ANKS1B: variants seen among roughly 807,000 people sequenced by gnomAD.
The protein encoded by ANKS1B is ankyrin repeat and sterile alpha motif domain-containing protein 1B.
A neutral mutation model predicts 148.3 loss-of-function variants in ANKS1B; 36 were observed. That is an observed-to-expected ratio of 0.24 (90% confidence interval 0.19 to 0.32). ANKS1B has a LOEUF of 0.32. Among genes scored for constraint, ANKS1B ranks in the 10% least tolerant of loss-of-function variants. The pLI is 1.00. For synonymous variants in ANKS1B, 542 were observed against 560.8 expected (o/e 0.97, Z 0.47); for missense variants, 1,157 against 1,542.6 (o/e 0.75, Z 4.19).
intron 15 of ANKS1B, among the ~76,000 whole-genome samples, chr12:99,142,935 T>C (rs2071487940): frequency 6.6e-6 from 1 of 152,146 alleles, no homozygotes; most frequent in Non-Finnish European, 1.5e-5. Context: ...GCCATATTGT[T>C]ATACAGGCCT....
At chr12:98,884,226 A>T (rs1168602927) in intron 17 of ANKS1B, among the ~76,000 whole-genome samples, 1 of 152,198 alleles carries the variant, frequency 6.6e-6, no homozygotes. Flanking sequence ...AAACTTTCCC[A>T]TCTTTAAATA....
chr12:98,740,038 G>A (rs755138988), downstream of ANKS1B, among the ~76,000 whole-genome samples: 17 of 152,070 alleles, frequency 1.1e-4, no homozygotes, highest in African/African-American at 1.2e-4. Flanking sequence ...CTCTTTGGGC[G>A]ACGCATACAC....
intron 1 of ANKS1B, among the ~76,000 whole-genome samples, chr12:99,917,224 A>T (rs11614197): frequency 0.12 from 18,173 of 152,288 alleles, 1,445 homozygotes; most frequent in Middle Eastern, 0.18. Context: ...AGAAGGAGGC[A>T]TGTGGATGAC....
chr12:98,845,155 T>A (rs949192324), intron 17 of ANKS1B, among the ~76,000 whole-genome samples: 1 of 152,198 alleles, frequency 6.6e-6, no homozygotes, highest in Non-Finnish European at 1.5e-5. Context: ...TTTTACCAAA[T>A]AAATAATCTC....
At chr12:99,550,170 A>C (rs2097205225) in intron 9 of ANKS1B, among the ~76,000 whole-genome samples, 1 of 152,240 alleles carries the variant, frequency 6.6e-6, no homozygotes, top group Admixed American at 6.5e-5. Context: ...CTCTATCTTG[A>C]GTTTCCAGTG....
chr12:99,580,428 A>G (rs2097559364), intron 9 of ANKS1B, among the ~76,000 whole-genome samples: 1 of 152,220 alleles, frequency 6.6e-6, no homozygotes, highest in South Asian at 2.1e-4. Flanking sequence ...TTAGGGATAA[A>G]TATAATGACA....
intron 12 of ANKS1B, among the ~76,000 whole-genome samples, chr12:99,393,096 TGATA>T (rs143927175): frequency 0.015 from 2,213 of 150,656 alleles, 31 homozygotes; most frequent in Middle Eastern, 0.038. Context: ...GATAGACAGA[TGATA>T]GATAGATAGA....
At chr12:99,369,890 A>G (rs995231712) in intron 12 of ANKS1B, among the ~76,000 whole-genome samples, 1 of 151,836 alleles carries the variant, frequency 6.6e-6, no homozygotes, top group African/African-American at 2.4e-5. Flanking sequence ...ATAGATAGAT[A>G]GATAAAATAT....
At chr12:99,573,780 GTA>G (rs1322173280) in intron 9 of ANKS1B, among the ~76,000 whole-genome samples, 1 of 151,946 alleles carries the variant, frequency 6.6e-6, no homozygotes, top group Non-Finnish European at 1.5e-5. Flanking sequence ...GTATCAGGAT[GTA>G]TATACTCTCA....
intron 17 of ANKS1B, among the ~76,000 whole-genome samples, chr12:98,857,269 G>C (rs1056449898): frequency 2.0e-5 from 3 of 152,226 alleles, no homozygotes; most frequent in Admixed American, 1.3e-4. Flanking sequence ...AGATGTAAAA[G>C]CATTCTAGGC....
chr12:99,257,217 C>T (rs1331675358), intron 12 of ANKS1B, among the ~76,000 whole-genome samples: 6 of 151,716 alleles, frequency 4.0e-5, no homozygotes, highest in African/African-American at 1.5e-4. Context: ...GCACTCCAGC[C>T]GGGGCAACAC....
rs1348017026 is a variant in ANKS1B, at chr12:98,926,507, A to T, written c.2779-94371T>A. On this transcript the variant is annotated intron_variant, in intron 17 of 26. Coordinates refer to ENST00000683438, the MANE Select transcript of ANKS1B (RefSeq NM_001352186.2). The stretch of plus-strand genomic sequence containing the variant: ...TTAGGAGACATGTAAATAAAAAGCA[A>T]AGTATGGCCCATACACAGGAAAAAA... Among the ~76,000 whole-genome samples the T allele has an allele frequency of 3.3e-5, 5 of 152,248 alleles. No individual in the cohort carries two copies. In the East Asian group the frequency reaches 9.7e-4, roughly 29 times the overall value.
intron 9 of ANKS1B, among the ~76,000 whole-genome samples, chr12:99,548,457 T>C (rs1405235299): frequency 3.3e-5 from 5 of 152,172 alleles, no homozygotes; most frequent in Non-Finnish European, 5.9e-5. Flanking sequence ...GGACTATGAA[T>C]GTTTTTTTAA....
intron 12 of ANKS1B, among the ~76,000 whole-genome samples, chr12:99,345,779 T>TA (rs910298457): frequency 1.3e-5 from 2 of 151,950 alleles, no homozygotes; most frequent in Non-Finnish European, 2.9e-5. Flanking sequence ...CAGACCTTTT[T>TA]AAAAAAACAG....
chr12:99,549,018 G>C (rs2097195308), intron 9 of ANKS1B, among the ~76,000 whole-genome samples: 1 of 152,134 alleles, frequency 6.6e-6, no homozygotes, highest in African/African-American at 2.4e-5. Flanking sequence ...ATACTAGTGG[G>C]GAACTGGAGG....
chr12:98,749,061 G>C (rs567562717), intron 26 of ANKS1B, among the ~76,000 whole-genome samples: 1 of 152,044 alleles, frequency 6.6e-6, no homozygotes, highest in Non-Finnish European at 1.5e-5. Context: ...GCCTGGTTCC[G>C]GTGGTGACAA....
intron 12 of ANKS1B, among the ~76,000 whole-genome samples, chr12:99,286,296 C>G (rs962046890): frequency 2.0e-5 from 3 of 151,916 alleles, no homozygotes; most frequent in African/African-American, 4.8e-5. Flanking sequence ...CTAAATATAT[C>G]CTGAGCCAGA....
intron 17 of ANKS1B, among the ~76,000 whole-genome samples, chr12:98,968,734 A>T (rs1387698158): frequency 6.6e-6 from 1 of 152,094 alleles, no homozygotes; most frequent in East Asian, 1.9e-4. Context: ...ACTAATAATG[A>T]AATTTGTTGG....
chr12:99,822,907 A>G (rs1256010829), intron 2 of ANKS1B, among the ~76,000 whole-genome samples: 1 of 152,178 alleles, frequency 6.6e-6, no homozygotes, highest in African/African-American at 2.4e-5. Flanking sequence ...CATTCCCACC[A>G]ACAGTGAATA....
Sources: gnomAD v4.1 joint callset for allele counts (sites outside exome capture counted in the v4.1 genomes callset) on GRCh38, gnomAD v4.1.1 for gene constraint, MANE v1.5 for transcripts, NCBI Gene and HGNC (gene_info 2026-07-23, HGNC 2026-07-21) for gene names.